The following SYT2 variants were observed in gnomAD, a reference collection of about 807,000 sequenced individuals.
The protein encoded by SYT2 is synaptotagmin 2.
Under a neutral mutation model 39.9 loss-of-function variants are expected in SYT2, and 15 were observed. The observed-to-expected ratio is 0.38, with a 90% CI of 0.25 to 0.58. The LOEUF (loss-of-function observed/expected upper bound fraction) is 0.58, where lower values mean the gene tolerates loss of function less well. Among genes scored for constraint, SYT2 ranks in the 20% least tolerant of loss-of-function variants. The probability of loss-of-function intolerance (pLI) is 0.70; values close to 1 mark genes in which losing one functional copy is unlikely to be tolerated. For missense variants in SYT2, 389 were observed against 530.3 expected (o/e 0.73, Z 2.62); for synonymous variants, 181 against 204.5 (o/e 0.89, Z 0.98).
intron 1 of SYT2, among the ~76,000 whole-genome samples, chr1:202,690,353 G>A (rs1379921615): frequency 6.6e-6 from 1 of 152,190 alleles, no homozygotes; most frequent in East Asian, 1.9e-4. Flanking sequence ...AGCATGCATG[G>A]CAGCAGGTTG....
intron 1 of SYT2, among the ~76,000 whole-genome samples, chr1:202,606,378 A>G (rs1172143769): frequency 6.6e-6 from 1 of 152,138 alleles, no homozygotes. Flanking sequence ...GGAAGGAGAC[A>G]AGGTTTTACA....
At chr1:202,676,160 C>G (rs1242860591) in intron 1 of SYT2, among the ~76,000 whole-genome samples, 3 of 152,230 alleles carry the variant, frequency 2.0e-5, no homozygotes, top group Non-Finnish European at 1.5e-5. Context: ...GTCCTAACTA[C>G]AGAATGCCCA....
intron 1 of SYT2, among the ~76,000 whole-genome samples, chr1:202,626,730 G>A (rs1220407935): frequency 6.6e-6 from 1 of 152,140 alleles, no homozygotes; most frequent in Non-Finnish European, 1.5e-5. Context: ...TACCTCTGAA[G>A]GCAAGCGGCA....
At chr1:202,678,682 T>C (rs1336755948) in intron 1 of SYT2, among the ~76,000 whole-genome samples, 1 of 152,196 alleles carries the variant, frequency 6.6e-6, no homozygotes, top group Non-Finnish European at 1.5e-5. Context: ...CTCCTGCCTC[T>C]GATAGGATCC....
rs572207333 is a variant in SYT2 at position 202,655,376 on chromosome 1, G to A, written c.-17-49587C>T. On this transcript the variant is annotated intron_variant, in intron 1 of 8. Coordinates refer to ENST00000367268, the MANE Select transcript of SYT2 (RefSeq NM_177402.5). The stretch of plus-strand genomic sequence containing the variant: ...TTACAATGTCATTGTGTTCTGGGTT[G>A]TTGTTGTTTTTTTAAATCTCAGAGT... Among the ~76,000 whole-genome samples the A allele has an allele frequency of 2.0e-5, 3 of 152,268 alleles. No homozygotes were observed. The South Asian group carries it at 6.2e-4, about 32-fold the overall frequency.
At chr1:202,681,773 T>C (rs1653532742) in intron 1 of SYT2, among the ~76,000 whole-genome samples, 1 of 152,062 alleles carries the variant, frequency 6.6e-6, no homozygotes. Context: ...GTAGCACCAA[T>C]AAATCAGCTG....
Position 202,599,459 on chromosome 1 carries a change from C to T in SYT2, c.920-108G>A, listed in dbSNP as rs138461339. 5.6e-3 allele frequency: 7,238 copies of T among 1,281,570 alleles called. 33 individuals are homozygous for T. The highest frequency in any genetic ancestry group is 6.9e-3 in the Non-Finnish European group (6,555 of 947,896). 79.4% of individuals were successfully genotyped at this position (1,281,570 alleles called of 1,614,324 possible). On this transcript the variant is annotated intron_variant, in intron 7 of 8. Coordinates refer to ENST00000367268, the MANE Select transcript of SYT2 (RefSeq NM_177402.5). The surrounding 1 kb of genome is among the most constrained non-coding windows in gnomAD (Gnocchi z 4.4). ...CATCGGTCAAGAGGGGGTCTTCACT[C>T]CGCTGAGACCAGGCCCTCAGAAAGC... is the stretch of plus-strand genomic sequence containing the variant.
rs1186011588 is a variant in SYT2 at position 202,628,440 on chromosome 1, G to A, written c.-17-22651C>T. Among the ~76,000 whole-genome samples the A allele has an allele frequency of 3.3e-5, 5 of 152,118 alleles. No homozygotes were observed. Among genetic ancestry groups the A allele is most frequent in the Admixed American group, 1.3e-4 (2 of 15,278 alleles). On this transcript the variant is annotated intron_variant, in intron 1 of 8. Transcript: ENST00000367268. This position sits in a 1 kb window ranked among gnomAD's most constrained non-coding sequence, Gnocchi z 4.2. ...GTCTGGTCCTCCCGTTTCCAAGAGC[G>A]CCTCCATCCTTCCAGGTGCTGGCCA...
chr1:202,613,230 G>A (rs1690939325), intron 1 of SYT2, among the ~76,000 whole-genome samples: 1 of 151,854 alleles, frequency 6.6e-6, no homozygotes. Context: ...ATAGGCATGT[G>A]CCACCATGCC....
At chr1:202,627,978 G>A (rs1189450000) in intron 1 of SYT2, among the ~76,000 whole-genome samples, 1 of 152,096 alleles carries the variant, frequency 6.6e-6, no homozygotes, top group African/African-American at 2.4e-5. Context: ...TGACTTCCCA[G>A]CACCCAGCCC....
intron 1 of SYT2, among the ~76,000 whole-genome samples, chr1:202,646,374 G>A (rs538558979): frequency 2.6e-4 from 40 of 152,126 alleles, no homozygotes; most frequent in Non-Finnish European, 4.1e-4. Context: ...CCAGTTCCCT[G>A]ACCCCTCTCC....
At chr1:202,625,194 A>G (rs1187301270) in intron 1 of SYT2, among the ~76,000 whole-genome samples, 3 of 78,102 alleles carry the variant, frequency 3.8e-5, no homozygotes, top group African/African-American at 5.0e-5. Context: ...TGTGGCATGT[A>G]GTAGGGTGTG....
At chr1:202,649,225 C>T (rs1359291596) in intron 1 of SYT2, among the ~76,000 whole-genome samples, 1 of 152,228 alleles carries the variant, frequency 6.6e-6, no homozygotes, top group African/African-American at 2.4e-5. Context: ...CATCAAGTGG[C>T]AGCCCAGACA....
intron 1 of SYT2, among the ~76,000 whole-genome samples, chr1:202,704,119 T>C (rs538101310): frequency 1.2e-4 from 18 of 152,238 alleles, no homozygotes; most frequent in Admixed American, 1.0e-3. Context: ...CTAGTTTCTC[T>C]GCAGGGGATG....
intron 1 of SYT2, among the ~76,000 whole-genome samples, chr1:202,669,697 G>A (rs1389966230): frequency 6.6e-6 from 1 of 151,132 alleles, no homozygotes; most frequent in African/African-American, 2.4e-5. Flanking sequence ...GGTCAACGCT[G>A]CAGTGAGGCA....
Position 202,596,615 on chromosome 1 carries a change from G to A in SYT2, c.*142C>T. 2.4e-6 allele frequency: 2 copies of A among 823,726 alleles called. No homozygotes were observed. Among genetic ancestry groups the A allele is most frequent in the Non-Finnish European group, 3.7e-6 (2 of 547,406 alleles). 51.0% of individuals were successfully genotyped at this position (823,726 alleles called of 1,614,324 possible). On this transcript the variant is annotated 3_prime_UTR_variant, in exon 9 of 9. Transcript: ENST00000367268. ...TCAAAGGGAAGTTGGTCTTTAAAAA[G>A]AGAAAAACAAGGAAAAACAAGGACA...
chr1:202,629,086 T>C (rs894101484), intron 1 of SYT2, among the ~76,000 whole-genome samples: 7 of 152,222 alleles, frequency 4.6e-5, no homozygotes, highest in Non-Finnish European at 1.0e-4. Context: ...ATGGCTCCAG[T>C]GGAGAGGTGG....
chr1:202,633,069 C>T (rs10494835), intron 1 of SYT2, among the ~76,000 whole-genome samples: 28,618 of 152,160 alleles, frequency 0.19, 2,885 homozygotes, highest in Non-Finnish European at 0.23. Flanking sequence ...TTGGAAGATG[C>T]AGACGCGCCT....
intron 1 of SYT2, among the ~76,000 whole-genome samples, chr1:202,704,346 C>G (rs934306286): frequency 6.6e-6 from 1 of 152,126 alleles, no homozygotes; most frequent in African/African-American, 2.4e-5. Context: ...AGAGGAGACA[C>G]GGTTATTTTG....
Sources: allele counts gnomAD v4.1 joint callset (sites outside exome capture counted in the v4.1 genomes callset), GRCh38; gene constraint gnomAD v4.1.1; non-coding constraint Gnocchi (gnomAD v3.1); transcripts MANE v1.5; gene names NCBI Gene and HGNC (gene_info 2026-07-23, HGNC 2026-07-21).